Variants in KCNC4 observed in about 807,000 individuals in gnomAD.
The protein encoded by KCNC4 is potassium voltage-gated channel subfamily C member 4.
Under a neutral mutation model 42.8 loss-of-function variants are expected in KCNC4, and 23 were observed. The ratio of observed to expected loss-of-function variants is 0.54; its 90% CI spans 0.39 to 0.76. KCNC4 has a LOEUF of 0.76. Among genes scored for constraint, KCNC4 ranks in the 30% least tolerant of loss-of-function variants. The pLI, the probability that KCNC4 is intolerant of heterozygous loss-of-function variation, is 0.00. For missense variants in KCNC4, 751 were observed against 898.2 expected (o/e 0.84, Z 2.10); for synonymous variants, 422 against 393.5 (o/e 1.07, Z -0.86).
chr1:110,245,019 T>C (rs937608778), exon 4 of KCNC4: 6 of 152,236 alleles, frequency 3.9e-5, no homozygotes, highest in African/African-American at 1.4e-4. Flanking sequence ...CTCTCTCCCT[T>C]CTTTTCTGAA....
chr1:110,225,940 C>T (rs745992023), intron 2 of KCNC4, 35 bp from the exon 3 acceptor site: 7 of 1,542,398 alleles, frequency 4.5e-6, no homozygotes, highest in Non-Finnish European at 6.1e-6. Flanking sequence ...TCAGGTCGCC[C>T]CTCATGCAGC....
chr1:110,268,937 CGATCTCCTGACCTCGT>C (rs1659595539), intron 1 of KCNC4, among the ~76,000 whole-genome samples: 2 of 151,938 alleles, frequency 1.3e-5, no homozygotes, highest in African/African-American at 2.4e-5. Context: ...ACCGTGGTCT[CGATCTCCTGACCTCGT>C]GATCCGCCCG....
chr1:110,253,063 ACT>A (rs1207208482), downstream of KCNC4, among the ~76,000 whole-genome samples: 1 of 151,548 alleles, frequency 6.6e-6, no homozygotes, highest in Non-Finnish European at 1.5e-5. Context: ...TCCACTCAAC[ACT>A]CTTCCCCAGC....
chr1:110,267,481 A>G (rs1659560658), intron 1 of KCNC4, among the ~76,000 whole-genome samples: 1 of 151,980 alleles, frequency 6.6e-6, no homozygotes, highest in South Asian at 2.1e-4. Flanking sequence ...ACCACTCCCC[A>G]ATGCCTCCAC....
At chr1:110,218,460 A>G (rs894920088) in intron 1 of KCNC4, among the ~76,000 whole-genome samples, 1 of 150,048 alleles carries the variant, frequency 6.7e-6, no homozygotes, top group African/African-American at 2.5e-5. Context: ...ATTGGAAACA[A>G]CTCCCCTATC....
At chr1:110,236,416 C>T (rs879267392), downstream of KCNC4, 2 of 152,218 alleles carry the variant, frequency 1.3e-5, no homozygotes, top group South Asian at 4.1e-4. Flanking sequence ...GAGTCATAAC[C>T]TCCAGTGTAG....
chr1:110,279,481 T>A (rs2101093670), intron 1 of KCNC4, among the ~76,000 whole-genome samples: 1 of 152,314 alleles, frequency 6.6e-6, no homozygotes, highest in African/African-American at 2.4e-5. Context: ...GCCTCCCATG[T>A]GGTCTCCCTG....
In KCNC4 at chr1:110,229,401, TCAGGAAGC is replaced by T. The variant is rs1571052396; in HGVS notation, c.1819+3225_1819+3232del. Among the ~76,000 whole-genome samples, 11 of 152,248 alleles carry T rather than the reference TCAGGAAGC, an allele frequency of 7.2e-5. No individual in the cohort carries two copies. The East Asian group carries it at 2.1e-3, about 29-fold the overall frequency. ...TGCCTAGGCGAGGGAGGCCCTTCCC[TCAGGAAGC>T]CTCTGCCCAGATTCAGTGGTGACTC... is the stretch of plus-strand genomic sequence containing the variant. On this transcript the variant is annotated intron_variant, in intron 3 of 3. Transcript: ENST00000438661.
chr1:110,221,620 C>T (rs1658099722), intron 1 of KCNC4: 1 of 152,224 alleles, frequency 6.6e-6, no homozygotes, highest in African/African-American at 2.4e-5. Flanking sequence ...GGGAGGAAAA[C>T]CTCTCTGAGT....
intron 2 of KCNC4, chr1:110,225,014 A>G (rs1658309629): frequency 6.6e-6 from 1 of 152,238 alleles, no homozygotes; most frequent in Non-Finnish European, 1.5e-5. Context: ...AGGCCTTGAT[A>G]GAAGAGCATC....
intron 1 of KCNC4, among the ~76,000 whole-genome samples, chr1:110,269,145 G>A (rs979114230): frequency 6.6e-6 from 1 of 152,098 alleles, no homozygotes; most frequent in Non-Finnish European, 1.5e-5. Context: ...AAATCTCCCT[G>A]GGCCTTCCTG....
At chr1:110,216,555 G>A (rs1657804031) in intron 1 of KCNC4, among the ~76,000 whole-genome samples, 1 of 152,232 alleles carries the variant, frequency 6.6e-6, no homozygotes, top group African/African-American at 2.4e-5. Flanking sequence ...CACATTAGGG[G>A]TGGGGTGTGG....
intron 3 of KCNC4, among the ~76,000 whole-genome samples, chr1:110,232,018 C>T (rs1557864268): frequency 2.0e-5 from 3 of 152,178 alleles, no homozygotes; most frequent in Admixed American, 2.0e-4. Flanking sequence ...GGGTCTGGAA[C>T]TCCCACCTCC....
At chr1:110,247,086 C>A (rs375189550) in exon 4 of KCNC4, 1 of 152,068 alleles carries the variant, frequency 6.6e-6, no homozygotes, top group East Asian at 1.9e-4. Flanking sequence ...TAATTTCATT[C>A]TTTTTATGGC....
chr1:110,224,573 A>G (rs1451401163), intron 2 of KCNC4: 1 of 152,254 alleles, frequency 6.6e-6, no homozygotes, highest in Non-Finnish European at 1.5e-5. Flanking sequence ...TGGCCCAGAC[A>G]GTGTTGGGAA....
intron 1 of KCNC4, among the ~76,000 whole-genome samples, chr1:110,259,850 C>CA (rs1453674419): frequency 6.6e-6 from 1 of 152,218 alleles, no homozygotes; most frequent in Non-Finnish European, 1.5e-5. Context: ...GAGCCAAATA[C>CA]AATTTTAAGT....
intron 1 of KCNC4, among the ~76,000 whole-genome samples, chr1:110,269,043 T>C (rs1003627147): frequency 6.6e-6 from 1 of 152,178 alleles, no homozygotes; most frequent in Admixed American, 6.5e-5. Context: ...GCTCTTTCTT[T>C]GCTGCAACAA....
intron 1 of KCNC4, among the ~76,000 whole-genome samples, chr1:110,218,622 A>G (rs1256921120): frequency 6.6e-6 from 1 of 152,100 alleles, no homozygotes; most frequent in Non-Finnish European, 1.5e-5. Flanking sequence ...TATTTTCCCA[A>G]ACACGGTGTC....
chr1:110,277,208 T>C (rs1175688543), intron 1 of KCNC4, among the ~76,000 whole-genome samples: 1 of 152,220 alleles, frequency 6.6e-6, no homozygotes, highest in African/African-American at 2.4e-5. Context: ...GCCAGCCAAA[T>C]GCCTTTGAAA....
Sources: allele counts gnomAD v4.1 joint callset (sites outside exome capture counted in the v4.1 genomes callset), GRCh38; gene constraint gnomAD v4.1.1; transcripts MANE v1.5; gene names NCBI Gene and HGNC (gene_info 2026-07-23, HGNC 2026-07-21).